ZNF236: variants seen among roughly 807,000 people sequenced by gnomAD.
ZNF236 encodes zinc finger protein 236.
A neutral mutation model predicts 191.2 loss-of-function variants in ZNF236; 50 were observed. That is an observed-to-expected ratio of 0.26 (90% CI 0.21 to 0.33). ZNF236 has a LOEUF of 0.33. Among genes scored for constraint, ZNF236 ranks in the 10% least tolerant of loss-of-function variants. The pLI is 1.00. For synonymous variants in ZNF236, 907 were observed against 928.8 expected (o/e 0.98, Z 0.43); for missense variants, 1,754 against 2,374.5 (o/e 0.74, Z 5.43).
At chr18:76,897,771 GGTACTGCACACA>G (rs1462174009) in intron 10 of ZNF236, among the ~76,000 whole-genome samples, 8 of 151,814 alleles carry the variant, frequency 5.3e-5, no homozygotes, top group East Asian at 3.9e-4. Flanking sequence ...ACTGCCAATA[GGTACTGCACACA>G]GTACTGCACA....
intron 1 of ZNF236, among the ~76,000 whole-genome samples, chr18:76,848,110 T>A (rs1975750404): frequency 6.6e-6 from 1 of 152,198 alleles, no homozygotes. Flanking sequence ...CTCCAGGTCC[T>A]TGCTACAAGG....
chr18:76,960,829 A>T lies in ZNF236; in HGVS notation c.5393A>T (p.His1798Leu). Residue 1798 changes from histidine to leucine, a missense_variant, in exon 30 of 31, where the codon CAC (histidine) becomes CTC (leucine). This residue lies in a region of ZNF236 where 606 missense variants were observed against 761.5 expected (regional missense o/e 0.80). Transcript: ENST00000320610. This position sits in a 1 kb window ranked among gnomAD's most constrained non-coding sequence, Gnocchi z 4.4. ...GFTQKSNMKL[H>L]MKRAHSYAGA... Reference sequence around the variant, plus strand: ...ACGCAGAAGAGCAACATGAAGCTGCACATGAAGCGGGCGCACAGCTATGCT... The same window carrying T: ...ACGCAGAAGAGCAACATGAAGCTGCTCATGAAGCGGGCGCACAGCTATGCT... 6.2e-7 allele frequency: 1 copy of T among 1,613,682 alleles called. No individual in the cohort carries two copies. Among genetic ancestry groups the T allele is most frequent in the African/African-American group, 1.3e-5 (1 of 75,046 alleles).
intron 25 of ZNF236, among the ~76,000 whole-genome samples, chr18:76,933,251 C>T (rs1256568830): frequency 6.6e-6 from 1 of 152,176 alleles, no homozygotes; most frequent in Admixed American, 6.5e-5. Flanking sequence ...GGCGGATCAC[C>T]TGAGGTCAGG....
intron 1 of ZNF236, among the ~76,000 whole-genome samples, chr18:76,845,826 G>A (rs1035459739): frequency 2.0e-5 from 3 of 151,826 alleles, no homozygotes; most frequent in Non-Finnish European, 4.4e-5. Flanking sequence ...TACAGCCTGT[G>A]CAACAGAGTG....
In ZNF236 at chr18:76,959,795, C is replaced by T. The variant is rs2122961477; in HGVS notation, c.5221C>T (p.Arg1741Cys). ...KAFAKPSQLE[R>C]HSRIHTGERP... is the part of the protein sequence containing the mutation. ...ATTTGCCAAACCAAGCCAGCTGGAGCGCCACAGCCGCATACATACAGGTAA... is the reference window on the plus strand; with the variant it reads ...ATTTGCCAAACCAAGCCAGCTGGAGTGCCACAGCCGCATACATACAGGTAA... The change falls in exon 29 of 31, where the codon CGC (arginine) becomes TGC (cysteine). Residue 1741 changes from arginine to cysteine, a missense_variant. Coordinates refer to ENST00000320610, the MANE Select transcript of ZNF236 (RefSeq NM_001306089.2). 5 of 1,613,998 alleles carry T rather than the reference C, an allele frequency of 3.1e-6. No individual in the cohort carries two copies. The highest frequency in any genetic ancestry group is 1.1e-5 in the South Asian group (1 of 91,056).
chr18:76,895,229 G>T lies in ZNF236; in HGVS notation c.1634G>T (p.Cys545Phe). 6.2e-7 allele frequency: 1 copy of T among 1,600,466 alleles called. No homozygotes were observed. ...TGIKAFKCQYCMKSFSTSGSL... is the reference protein window; with the variant it reads ...TGIKAFKCQYFMKSFSTSGSL... Reference sequence around the variant, plus strand: ...ATCAAGGCGTTCAAGTGCCAGTACTGCATGAAGAGCTTCTCCACCTCTGGC... The same window carrying T: ...ATCAAGGCGTTCAAGTGCCAGTACTTCATGAAGAGCTTCTCCACCTCTGGC... Residue 545 changes from cysteine to phenylalanine, a missense_variant, in exon 10 of 31, where the codon TGC becomes TTC. Physicochemically the swap from Cys to Phe is radical, Grantham distance 205. Around this residue, in one of 5 missense-constraint regions of ZNF236, gnomAD observed 641 missense variants for 869.6 expected, o/e 0.74. Coordinates refer to ENST00000320610, the MANE Select transcript of ZNF236 (RefSeq NM_001306089.2).
Position 76,968,612 on chromosome 18 carries a change from T to C in ZNF236, c.*273T>C, listed in dbSNP as rs1599435487. ...TCCTCAGTCTCCTCCGTGGCTAGTG[T>C]GTCTAGTTCACGAAGCAATTAACTG... On this transcript the variant is annotated 3_prime_UTR_variant, in exon 31 of 31. Coordinates refer to ENST00000320610, the MANE Select transcript of ZNF236 (RefSeq NM_001306089.2). 1 of 1,190,824 alleles carries C rather than the reference T, an allele frequency of 8.4e-7. No individual in the cohort carries two copies. Among genetic ancestry groups the C allele is most frequent in the Non-Finnish European group, 1.0e-6 (1 of 961,324 alleles). 73.8% of individuals were successfully genotyped at this position (1,190,824 alleles called of 1,614,324 possible). A position where few individuals can be genotyped will look rare whatever the true frequency, so the allele number is the denominator to read the frequency against.
chr18:76,936,159 T>A (rs1409989643), intron 25 of ZNF236: 1 of 450,684 alleles, frequency 2.2e-6, no homozygotes, highest in Non-Finnish European at 4.5e-6. Flanking sequence ...CGCGTGTTTC[T>A]TTTGTTTTGA....
In ZNF236 at chr18:76,927,839, C is replaced by T. The variant is rs1007209395; in HGVS notation, c.4415-88C>T. 3.1e-6 allele frequency: 3 copies of T among 976,082 alleles called. No homozygotes were observed. Among genetic ancestry groups the T allele is most frequent in the Admixed American group, 3.3e-5 (1 of 30,510 alleles). 60.5% of individuals were successfully genotyped at this position (976,082 alleles called of 1,614,324 possible). On this transcript the variant is annotated intron_variant, in intron 24 of 30. Coordinates refer to ENST00000320610, the MANE Select transcript of ZNF236 (RefSeq NM_001306089.2). The surrounding 1 kb of genome is among the most constrained non-coding windows in gnomAD (Gnocchi z 5.4). ...TTTGTCTTATTGAAATATGTAATAA[C>T]AGTTTAATTAAAATATTTTTAATAT...
At chr18:76,851,627 G>T (rs952852725) in intron 2 of ZNF236, 148 bp from the exon 3 acceptor site, 7 of 791,870 alleles carry the variant, frequency 8.8e-6, no homozygotes, top group African/African-American at 3.5e-5. Context: ...GTTTATTTTG[G>T]ATTTATTGAC....
In ZNF236 at chr18:76,871,684, C is replaced by A. The variant is rs377423374; in HGVS notation, c.543-17C>A. 4.3e-6 allele frequency: 7 copies of A among 1,613,452 alleles called. No individual in the cohort carries two copies. Among genetic ancestry groups the A allele is most frequent in the Non-Finnish European group, 5.1e-6 (6 of 1,179,742 alleles). On this transcript the variant is annotated splice_polypyrimidine_tract_variant and intron_variant, in intron 4 of 30. Transcript: ENST00000320610. ...GAGACATCTTACTGTGTATTTTGCCCCCCTTTATTACACTAGGGTATCAAG... is the reference window on the plus strand; with the variant it reads ...GAGACATCTTACTGTGTATTTTGCCACCCTTTATTACACTAGGGTATCAAG...
intron 5 of ZNF236, among the ~76,000 whole-genome samples, chr18:76,873,813 GCCCTCCTCTCCTGT>G (rs1976643279): frequency 8.4e-6 from 1 of 119,082 alleles, no homozygotes; most frequent in Non-Finnish European, 1.8e-5. Flanking sequence ...TCTCCTGTCT[GCCCTCCTCTCCTGT>G]CCCCACGTAG....
intron 30 of ZNF236, among the ~76,000 whole-genome samples, chr18:76,963,365 G>A (rs573889297): frequency 6.6e-6 from 1 of 152,184 alleles, no homozygotes; most frequent in South Asian, 2.1e-4. Flanking sequence ...TGTTTATGTG[G>A]TGTATCACAT....
At chr18:76,894,400 A>C (rs569668527) in intron 9 of ZNF236, among the ~76,000 whole-genome samples, 1 of 152,302 alleles carries the variant, frequency 6.6e-6, no homozygotes, top group African/African-American at 2.4e-5. Flanking sequence ...TTTCCTGCTG[A>C]AAACAGAGGG....
At chr18:76,834,606 G>A in intron 1 of ZNF236, 2 of 452,772 alleles carry the variant, frequency 4.4e-6, no homozygotes, top group Admixed American at 2.5e-5. Flanking sequence ...ATGCCTGTAT[G>A]CACAGTTGTG....
chr18:76,847,621 A>G lies in ZNF236; in HGVS notation c.56-1905A>G, dbSNP rs185423833. Among the ~76,000 whole-genome samples, 516 of 151,982 alleles carry G rather than the reference A, an allele frequency of 3.4e-3. 3 individuals are homozygous for G. Among genetic ancestry groups the G allele is most frequent in the African/African-American group, 0.011 (438 of 41,430 alleles). On this transcript the variant is annotated intron_variant, in intron 1 of 30. Coordinates refer to ENST00000320610, the MANE Select transcript of ZNF236 (RefSeq NM_001306089.2). The stretch of plus-strand genomic sequence containing the variant: ...GCTGGGGCTACAGGCGCCCACCACC[A>G]CGCCCGGCTGATTTTTTCTGTGTGT...
chr18:76,837,143 C>CCCCCCCCCCCCCG (rs1975358526), intron 1 of ZNF236, among the ~76,000 whole-genome samples: 5 of 125,874 alleles, frequency 4.0e-5, no homozygotes, highest in African/African-American at 1.4e-4. Context: ...CCCCCCCGCC[C>CCCCCCCCCCCCCG]CGCAAGCCTC....
chr18:76,838,719 T>C (rs1439580002), intron 1 of ZNF236, among the ~76,000 whole-genome samples: 1 of 152,238 alleles, frequency 6.6e-6, no homozygotes, highest in East Asian at 1.9e-4. Flanking sequence ...TATAGCACTT[T>C]ACTTTTGAGT....
rs1375450357 is a variant in ZNF236, at chr18:76,875,332, T to C, written c.668-160T>C. Among the ~76,000 whole-genome samples the C allele has an allele frequency of 1.3e-5, 2 of 152,150 alleles. No individual in the cohort carries two copies. Among genetic ancestry groups the C allele is most frequent in the African/African-American group, 4.8e-5 (2 of 41,414 alleles). On this transcript the variant is annotated intron_variant, in intron 5 of 30. Coordinates refer to ENST00000320610, the MANE Select transcript of ZNF236 (RefSeq NM_001306089.2). The surrounding 1 kb of genome is among the most constrained non-coding windows in gnomAD (Gnocchi z 4.3). Reference sequence around the variant, plus strand: ...CAAGTGCAGTTTTGACATGTTAATTTTGAGATTTAAAGTAGACACTTGTAT... The same window carrying C: ...CAAGTGCAGTTTTGACATGTTAATTCTGAGATTTAAAGTAGACACTTGTAT...
Sources: allele counts gnomAD v4.1 joint callset (sites outside exome capture counted in the v4.1 genomes callset), GRCh38; gene constraint gnomAD v4.1.1; regional missense constraint gnomAD v4.1.1; non-coding constraint Gnocchi (gnomAD v3.1); transcripts MANE v1.5; gene names NCBI Gene and HGNC (gene_info 2026-07-23, HGNC 2026-07-21).